Variants in WDR49 observed in about 807,000 individuals in gnomAD.
WDR49 encodes the protein WD repeat domain 49, also known as cilia- and flagella-associated protein 337.
In WDR49, 107 loss-of-function variants were observed where a neutral mutation model predicts 119.5. The ratio of observed to expected loss-of-function variants is 0.90; its 90% CI spans 0.77 to 1.05. The LOEUF (loss-of-function observed/expected upper bound fraction) is 1.05, where lower values mean the gene tolerates loss of function less well. Ranked by LOEUF, WDR49 falls within the 50% of genes least tolerant of loss-of-function variation. The pLI is 0.00. For missense variants in WDR49, 1,240 were observed against 1,220.5 expected, an observed-to-expected ratio of 1.02 and a Z score of -0.24; for synonymous variants, 425 against 418.8, an observed-to-expected ratio of 1.01 and a Z score of -0.18.
At chr3:167,592,699 C>G (rs1715203840) in intron 7 of WDR49, among the ~76,000 whole-genome samples, 1 of 152,158 alleles carries the variant, frequency 6.6e-6, no homozygotes, top group Non-Finnish European at 1.5e-5. Flanking sequence ...TCCCAAAGTG[C>G]TGGGATTACA....
rs569687163 is a variant in WDR49 at position 167,527,508 on chromosome 3, G to A, written c.2604+312C>T. On this transcript the variant is annotated intron_variant, in intron 15 of 18. Transcript: ENST00000682715. ...TTAGTTACATGATCATTTTATCCACGTTGAACTTTTACTAAATGTTGAAAT... is the reference window on the plus strand; with the variant it reads ...TTAGTTACATGATCATTTTATCCACATTGAACTTTTACTAAATGTTGAAAT... Among the ~76,000 whole-genome samples the A allele has an allele frequency of 4.6e-5, 7 of 151,878 alleles. No homozygotes were observed. In the South Asian group the frequency reaches 8.3e-4, roughly 18 times the overall value.
At chr3:167,543,324 A>G (rs1293284033) in intron 10 of WDR49, among the ~76,000 whole-genome samples, 3 of 152,014 alleles carry the variant, frequency 2.0e-5, no homozygotes, top group African/African-American at 7.2e-5. Flanking sequence ...AAAAACAGGA[A>G]AGGACATAAT....
At chr3:167,545,106 T>A (rs538083911) in intron 10 of WDR49, among the ~76,000 whole-genome samples, 91 of 151,938 alleles carry the variant, frequency 6.0e-4, no homozygotes, top group Admixed American at 1.2e-3. Context: ...ATGCTCAACA[T>A]CACTCATTAT....
intron 7 of WDR49, among the ~76,000 whole-genome samples, chr3:167,581,827 T>G (rs186934235): frequency 1.3e-5 from 2 of 152,308 alleles, no homozygotes; most frequent in Admixed American, 1.3e-4. Flanking sequence ...AGCAACATGT[T>G]TAATTCAAAG....
intron 7 of WDR49, among the ~76,000 whole-genome samples, chr3:167,593,685 G>T (rs1715255475): frequency 6.6e-6 from 1 of 151,994 alleles, no homozygotes; most frequent in African/African-American, 2.4e-5. Context: ...TGGTGTCTGG[G>T]CATTGAAGAG....
intron 7 of WDR49, among the ~76,000 whole-genome samples, chr3:167,579,076 T>C (rs995144947): frequency 1.3e-5 from 2 of 152,096 alleles, no homozygotes; most frequent in Non-Finnish European, 2.9e-5. Flanking sequence ...CCTACCGTCA[T>C]GTGAAGAAGG....
chr3:167,586,683 G>T (rs1326852630), intron 7 of WDR49, among the ~76,000 whole-genome samples: 1 of 152,172 alleles, frequency 6.6e-6, no homozygotes. Flanking sequence ...ATGCATTGTT[G>T]TTTGTTGTAA....
At chr3:167,530,712 A>C (rs1752819722) in intron 13 of WDR49, among the ~76,000 whole-genome samples, 1 of 152,140 alleles carries the variant, frequency 6.6e-6, no homozygotes, top group African/African-American at 2.4e-5. Context: ...TTAGGTGCTC[A>C]TATAGTCAGT....
intron 8 of WDR49, chr3:167,575,322 G>T (rs940027291): frequency 1.0e-6 from 1 of 984,672 alleles, no homozygotes. Context: ...CTCCAGGGGA[G>T]CCCTGCTTCT....
intron 10 of WDR49, among the ~76,000 whole-genome samples, chr3:167,545,641 T>C (rs1422477752): frequency 6.7e-6 from 1 of 149,992 alleles, no homozygotes; most frequent in African/African-American, 2.4e-5. Context: ...ATGTTCTCAC[T>C]TATAAGTGGA....
chr3:167,580,894 G>A lies in WDR49; in HGVS notation c.1276-4743C>T, dbSNP rs78791787. Among the ~76,000 whole-genome samples the A allele has an allele frequency of 6.9e-3, 1,044 of 152,094 alleles. 57 individuals are homozygous for A. The East Asian group carries it at 0.13, about 20-fold the overall frequency. ...AAGGGTTTTCTTTATTTTTAGTAGA[G>A]AAAACAGATTCACAAACTTTTAAGC... On this transcript the variant is annotated intron_variant, in intron 7 of 18. Transcript: ENST00000682715.
chr3:167,488,372 A>G (rs906255987), intron 18 of WDR49, among the ~76,000 whole-genome samples: 4 of 151,950 alleles, frequency 2.6e-5, no homozygotes, highest in South Asian at 2.1e-4. Context: ...TATGATAAAA[A>G]CAGTCACTAT....
At chr3:167,616,486 C>CA (rs1306137040) in intron 5 of WDR49, among the ~76,000 whole-genome samples, 1 of 152,110 alleles carries the variant, frequency 6.6e-6, no homozygotes, top group Admixed American at 6.5e-5. Context: ...TCCAAACTAT[C>CA]AGCACACAGA....
At chr3:167,574,550 A>G (rs1004966065) in intron 8 of WDR49, among the ~76,000 whole-genome samples, 1 of 152,178 alleles carries the variant, frequency 6.6e-6, no homozygotes, top group Non-Finnish European at 1.5e-5. Flanking sequence ...TACTCAACTC[A>G]ATTGTATAAT....
intron 8 of WDR49, among the ~76,000 whole-genome samples, chr3:167,567,785 GCA>G (rs1713692320): frequency 6.6e-6 from 1 of 152,154 alleles, no homozygotes; most frequent in Non-Finnish European, 1.5e-5. Flanking sequence ...GGGGCCAGGG[GCA>G]TTGTCTAATA....
At chr3:167,533,935 G>A (rs1321408319) in intron 11 of WDR49, among the ~76,000 whole-genome samples, 2 of 151,910 alleles carry the variant, frequency 1.3e-5, no homozygotes, top group Non-Finnish European at 2.9e-5. Flanking sequence ...GTCCTAGAAA[G>A]AGCAATCTCT....
At chr3:167,500,506 G>A (rs13061969) in intron 17 of WDR49, among the ~76,000 whole-genome samples, 49,672 of 152,002 alleles carry the variant, frequency 0.33, 8,289 homozygotes, top group East Asian at 0.47. Flanking sequence ...AAGGAACCAA[G>A]AGGAACTCAA....
chr3:167,611,766 G>T (rs1282475295), intron 5 of WDR49, among the ~76,000 whole-genome samples: 2 of 152,126 alleles, frequency 1.3e-5, no homozygotes, highest in Non-Finnish European at 2.9e-5. Flanking sequence ...TGATAAAGGG[G>T]TCAATTCAGC....
intron 2 of WDR49, among the ~76,000 whole-genome samples, chr3:167,634,984 T>C (rs2108334237): frequency 6.6e-6 from 1 of 151,962 alleles, no homozygotes; most frequent in Middle Eastern, 3.4e-3. Context: ...CATAAAGCTA[T>C]GCCTCTTATA....
Sources: gnomAD v4.1 joint callset for allele counts (sites outside exome capture counted in the v4.1 genomes callset) on GRCh38, gnomAD v4.1.1 for gene constraint, MANE v1.5 for transcripts, NCBI Gene and HGNC (gene_info 2026-07-23, HGNC 2026-07-21) for gene names.